Variants in POLR2D observed in about 807,000 individuals in gnomAD.
The protein encoded by POLR2D is RNA polymerase II subunit D.
In POLR2D, 10 loss-of-function variants were observed where a neutral mutation model predicts 17.6. The ratio of observed to expected loss-of-function variants is 0.57; its 90% confidence interval spans 0.35 to 0.96. POLR2D has a LOEUF of 0.96. Ranked by LOEUF, POLR2D falls within the 40% of genes least tolerant of loss-of-function variation. The pLI is 0.02. For synonymous variants in POLR2D, 52 were observed against 60.2 expected, an observed-to-expected ratio of 0.86 and a Z score of 0.63; for missense variants, 126 against 176.4, an observed-to-expected ratio of 0.71 and a Z score of 1.62.
chr2:127,855,342 G>A (rs1251279439), intron 1 of POLR2D, among the ~76,000 whole-genome samples: 4 of 141,120 alleles, frequency 2.8e-5, no homozygotes, highest in East Asian at 2.1e-4. Context: ...GCAGTGAGCC[G>A]AGATTGTGCC....
chr2:127,849,957 T>C (rs926109801), intron 3 of POLR2D, among the ~76,000 whole-genome samples: 21 of 152,248 alleles, frequency 1.4e-4, no homozygotes, highest in African/African-American at 4.6e-4. Context: ...ACCTTTAGGA[T>C]ATGTACCAGG....
rs1169037442 is a variant in POLR2D, at chr2:127,846,613, T to C, written c.*1494A>G. ...TCTCTCATAATTGGAGACTTCAAAG[T>C]GTTCAGAACTTCAAGCCTGGCCTAT... On this transcript the variant is annotated 3_prime_UTR_variant, in exon 4 of 4. Transcript: ENST00000272645. 1 of 151,984 alleles carries C rather than the reference T, an allele frequency of 6.6e-6. No homozygotes were observed. The highest frequency in any genetic ancestry group is 6.6e-5 in the Admixed American group (1 of 15,250). 9.4% of individuals were successfully genotyped at this position (151,984 alleles called of 1,614,324 possible). A position where few individuals can be genotyped will look rare whatever the true frequency, so the allele number is the denominator to read the frequency against.
chr2:127,852,864 A>T lies in POLR2D; in HGVS notation c.254+61T>A, dbSNP rs1690273180. 8.9e-7 allele frequency: 1 copy of T among 1,128,396 alleles called. No individual in the cohort carries two copies. Among genetic ancestry groups the T allele is most frequent in the Non-Finnish European group, 1.3e-6 (1 of 760,110 alleles). The allele number at this position is 1,128,396 out of a possible 1,614,324, so 69.9% of individuals were successfully genotyped here. A position where few individuals can be genotyped will look rare whatever the true frequency, so the allele number is the denominator to read the frequency against. On this transcript the variant is annotated intron_variant, in intron 2 of 3. Coordinates refer to ENST00000272645, the MANE Select transcript of POLR2D (RefSeq NM_004805.4). The surrounding 1 kb of genome is among the most constrained non-coding windows in gnomAD (Gnocchi z 4.0). ...GACACCTGGGAAAGGGGGAGGGGAC[A>T]GCATTCTACATGCAGTTGTCCAATG...
intron 1 of POLR2D, among the ~76,000 whole-genome samples, chr2:127,853,902 G>C (rs571866232): frequency 6.6e-6 from 1 of 152,308 alleles, no homozygotes; most frequent in Admixed American, 6.5e-5. Flanking sequence ...GTCTGAGCTA[G>C]ATTCTGACAC....
Position 127,847,210 on chromosome 2 carries a change from A to G in POLR2D, c.*897T>C, listed in dbSNP as rs1455182166. The G allele has an allele frequency of 6.6e-6, 1 of 152,270 alleles. No individual in the cohort carries two copies. The highest frequency in any genetic ancestry group is 1.5e-5 in the Non-Finnish European group (1 of 68,058). The allele number at this position is 152,270 out of a possible 1,614,324, so 9.4% of individuals were successfully genotyped here. On this transcript the variant is annotated 3_prime_UTR_variant, in exon 4 of 4. Coordinates refer to ENST00000272645, the MANE Select transcript of POLR2D (RefSeq NM_004805.4). ...GACAGTTCAAGAAGAAAGGCAAAGTAGCCATCTATCTCAAGGGGCTATGGG... is the reference window on the plus strand; with the variant it reads ...GACAGTTCAAGAAGAAAGGCAAAGTGGCCATCTATCTCAAGGGGCTATGGG...
rs1421896920 is a variant in POLR2D, at chr2:127,845,212, C to T, written c.*2895G>A. ...TAGTGCCAATCAGCACATGTAAGTGCCTCTCTCAAGAAATAATTCTGCAGT... is the reference window on the plus strand; with the variant it reads ...TAGTGCCAATCAGCACATGTAAGTGTCTCTCTCAAGAAATAATTCTGCAGT... On this transcript the variant is annotated 3_prime_UTR_variant, in exon 4 of 4. Coordinates refer to ENST00000272645, the MANE Select transcript of POLR2D (RefSeq NM_004805.4). The T allele has an allele frequency of 2.0e-5, 3 of 152,130 alleles. No individual in the cohort carries two copies. Among genetic ancestry groups the T allele is most frequent in the African/African-American group, 7.2e-5 (3 of 41,414 alleles). 9.4% of individuals were successfully genotyped at this position (152,130 alleles called of 1,614,324 possible).
At chr2:127,851,954 C>T (rs1368215008) in intron 2 of POLR2D, among the ~76,000 whole-genome samples, 1 of 152,180 alleles carries the variant, frequency 6.6e-6, no homozygotes, top group Non-Finnish European at 1.5e-5. Context: ...CCACGCCCAG[C>T]TAATTTTTGT....
rs914880206 is a variant in POLR2D, at chr2:127,852,189, A to T, written c.254+736T>A. ...GTAAGTCTCCCCATCTCTAAAAAAA[A>T]TAACAAAAAAAGTTACTTCCCCACT... is the stretch of plus-strand genomic sequence containing the variant. On this transcript the variant is annotated intron_variant, in intron 2 of 3. Transcript: ENST00000272645. The surrounding 1 kb of genome is among the most constrained non-coding windows in gnomAD (Gnocchi z 4.0). Among the ~76,000 whole-genome samples, 10 of 152,216 alleles carry T rather than the reference A, an allele frequency of 6.6e-5. No individual in the cohort carries two copies. The highest frequency in any genetic ancestry group is 2.0e-4 in the Admixed American group (3 of 15,262).
chr2:127,857,702 C>T, intron 1 of POLR2D: 1 of 676,718 alleles, frequency 1.5e-6, no homozygotes, highest in Non-Finnish European at 1.9e-6. Flanking sequence ...AAGTTGAGTT[C>T]GGTTCACGCT....
intron 1 of POLR2D, among the ~76,000 whole-genome samples, chr2:127,855,863 CCT>C (rs1341994378): frequency 6.6e-6 from 1 of 152,292 alleles, no homozygotes; most frequent in East Asian, 1.9e-4. Flanking sequence ...AGGGGATCTG[CCT>C]GTTATTTTCT....
At chr2:127,856,616 A>G (rs1336065620) in intron 1 of POLR2D, among the ~76,000 whole-genome samples, 1 of 152,030 alleles carries the variant, frequency 6.6e-6, no homozygotes, top group African/African-American at 2.4e-5. Flanking sequence ...AATTAAAAAA[A>G]ATAAATTAAC....
chr2:127,853,560 T>C (rs35971047), intron 1 of POLR2D, among the ~76,000 whole-genome samples: 36,210 of 132,692 alleles, frequency 0.27, 5,579 homozygotes, highest in South Asian at 0.58. Flanking sequence ...CGTTCTTTTA[T>C]TTTTTTTTTT....
intron 1 of POLR2D, among the ~76,000 whole-genome samples, chr2:127,854,835 G>A (rs768737812): frequency 1.3e-5 from 2 of 152,048 alleles, no homozygotes; most frequent in Non-Finnish European, 2.9e-5. Flanking sequence ...TACAGTGAGA[G>A]CCTATTTGTA....
At chr2:127,851,464 A>T (rs537150549) in intron 2 of POLR2D, among the ~76,000 whole-genome samples, 1 of 152,120 alleles carries the variant, frequency 6.6e-6, no homozygotes, top group African/African-American at 2.4e-5. Context: ...GGCCAGGCTT[A>T]GCAGCTCATG....
Position 127,850,582 on chromosome 2 carries a change from G to A in POLR2D, c.350+8C>T, listed in dbSNP as rs1236891006. ...GTATACAGAGAACTTATCACAACTG[G>A]TACTAACCTTGGGATTAGAGCCTTG... On this transcript the variant is annotated splice_region_variant and intron_variant, in intron 3 of 3. Transcript: ENST00000272645. The A allele has an allele frequency of 2.2e-6, 3 of 1,341,384 alleles. No homozygotes were observed. The highest frequency in any genetic ancestry group is 2.1e-6 in the Non-Finnish European group (2 of 949,694). The allele number at this position is 1,341,384 out of a possible 1,614,324, so 83.1% of individuals were successfully genotyped here.
Position 127,847,470 on chromosome 2 carries a change from C to G in POLR2D, c.*637G>C, listed in dbSNP as rs1185219068. On this transcript the variant is annotated 3_prime_UTR_variant, in exon 4 of 4. Coordinates refer to ENST00000272645, the MANE Select transcript of POLR2D (RefSeq NM_004805.4). Reference sequence around the variant, plus strand: ...ACCAGTCTGGACAGCATAGTAAAACCCCACCTCTATAAAAAATTTTAAAAA... The same window carrying G: ...ACCAGTCTGGACAGCATAGTAAAACGCCACCTCTATAAAAAATTTTAAAAA... The G allele has an allele frequency of 6.5e-6, 1 of 153,194 alleles. No individual in the cohort carries two copies. The highest frequency in any genetic ancestry group is 1.5e-5 in the Non-Finnish European group (1 of 68,928). The allele number at this position is 153,194 out of a possible 1,614,324, so 9.5% of individuals were successfully genotyped here.
At chr2:127,854,910 G>A (rs1242596987) in intron 1 of POLR2D, among the ~76,000 whole-genome samples, 2 of 147,678 alleles carry the variant, frequency 1.4e-5, no homozygotes, top group Non-Finnish European at 3.0e-5. Context: ...AGAAACTACT[G>A]CCTCACAGCA....
In POLR2D at chr2:127,845,373, C is replaced by CATTTTTTTT. The variant is rs1690136328; in HGVS notation, c.*2733_*2734insAAAAAAAAT. Reference sequence around the variant, plus strand: ...CTGTAGATTTGGGTAAGCAATTTCACTTTTTTTTTTTTTTTTTTTTTGAGA... The same window carrying CATTTTTTTT: ...CTGTAGATTTGGGTAAGCAATTTCACATTTTTTTTTTTTTTTTTTTTTTTTTTTTTGAGA... On this transcript the variant is annotated 3_prime_UTR_variant, in exon 4 of 4. Coordinates refer to ENST00000272645, the MANE Select transcript of POLR2D (RefSeq NM_004805.4). 8.8e-6 allele frequency: 1 copy of CATTTTTTTT among 113,618 alleles called. No individual in the cohort carries two copies. Among genetic ancestry groups the CATTTTTTTT allele is most frequent in the African/African-American group, 3.8e-5 (1 of 26,484 alleles). 7.0% of individuals were successfully genotyped at this position (113,618 alleles called of 1,614,324 possible).
In POLR2D at chr2:127,852,808, G is replaced by T; in HGVS notation, c.254+117C>A. The T allele has an allele frequency of 2.6e-6, 2 of 770,170 alleles. No homozygotes were observed. The highest frequency in any genetic ancestry group is 2.5e-5 in the East Asian group (1 of 40,636). The allele number at this position is 770,170 out of a possible 1,614,324, so 47.7% of individuals were successfully genotyped here. Reference sequence around the variant, plus strand: ...TGCTGGGTGTGAGCCACCATGCCCAGCCTAACATTATTTTACTTAAATTCA... The same window carrying T: ...TGCTGGGTGTGAGCCACCATGCCCATCCTAACATTATTTTACTTAAATTCA... On this transcript the variant is annotated intron_variant, in intron 2 of 3. Coordinates refer to ENST00000272645, the MANE Select transcript of POLR2D (RefSeq NM_004805.4). This position sits in a 1 kb window ranked among gnomAD's most constrained non-coding sequence, Gnocchi z 4.0.
Sources: allele counts gnomAD v4.1 joint callset (sites outside exome capture counted in the v4.1 genomes callset), GRCh38; gene constraint gnomAD v4.1.1; non-coding constraint Gnocchi (gnomAD v3.1); transcripts MANE v1.5; gene names NCBI Gene and HGNC (gene_info 2026-07-23, HGNC 2026-07-21).